MICAL3: variants seen among roughly 807,000 people sequenced by gnomAD.
The protein encoded by MICAL3 is microtubule associated monooxygenase, calponin and LIM domain containing 3, also known as [F-actin]-monooxygenase MICAL3.
MICAL3 carries 62 observed loss-of-function variants against 207.4 expected under a neutral mutation model. The ratio of observed to expected loss-of-function variants is 0.30; its 90% CI spans 0.24 to 0.37. The LOEUF is 0.37. MICAL3 is among the 10% of genes least tolerant of loss of function. The probability of loss-of-function intolerance (pLI) is 1.00; values close to 1 mark genes in which losing one functional copy is unlikely to be tolerated. For synonymous variants in MICAL3, 1,077 were observed against 1,069.3 expected, an observed-to-expected ratio of 1.01 and a Z score of -0.14; for missense variants, 2,368 against 2,635.6, an observed-to-expected ratio of 0.90 and a Z score of 2.22.
At chr22:17,815,996 G>A (rs1920984885) in intron 27 of MICAL3, among the ~76,000 whole-genome samples, 1 of 152,234 alleles carries the variant, frequency 6.6e-6, no homozygotes, top group African/African-American at 2.4e-5. Context: ...CAGCCGGGTT[G>A]CCCCCAGCCA....
chr22:17,871,896 T>C lies in MICAL3; in HGVS notation c.2369A>G (p.Lys790Arg). 6.2e-7 allele frequency: 1 copy of C among 1,611,670 alleles called. No individual in the cohort carries two copies. Among genetic ancestry groups the C allele is most frequent in the Non-Finnish European group, 8.5e-7 (1 of 1,179,072 alleles). Residue 790 changes from lysine to arginine, a missense_variant, in exon 17 of 32, where the codon AAG becomes AGG. Around this residue, in one of 4 missense-constraint regions of MICAL3, gnomAD observed 1,770 missense variants for 1,863.2 expected, o/e 0.95. Transcript: ENST00000441493. Reference protein sequence around the residue: ...EGKFFHRSCFKCEYCATTLRL... With the variant: ...EGKFFHRSCFRCEYCATTLRL... Reference sequence around the variant, plus strand: ...CAGGGTGGTGGCGCAGTACTCGCACTTGAAGCAGCTCCGGTGGAAGAACTT... The same window carrying C: ...CAGGGTGGTGGCGCAGTACTCGCACCTGAAGCAGCTCCGGTGGAAGAACTT...
intron 1 of MICAL3, among the ~76,000 whole-genome samples, chr22:17,908,086 A>G (rs1239331183): frequency 6.6e-6 from 1 of 152,032 alleles, no homozygotes; most frequent in Non-Finnish European, 1.5e-5. Context: ...AAACCTCACC[A>G]CTGGAACTGT....
chr22:17,951,117 A>C lies in MICAL3; in HGVS notation c.-74-44231T>G, dbSNP rs562986332. Among the ~76,000 whole-genome samples the C allele has an allele frequency of 3.9e-5, 6 of 152,276 alleles. No homozygotes were observed. In the South Asian group the frequency reaches 1.2e-3, roughly 32 times the overall value. On this transcript the variant is annotated intron_variant, in intron 1 of 31. Coordinates refer to ENST00000441493, the MANE Select transcript of MICAL3 (RefSeq NM_015241.3). ...GCTGGGCCACTTCCTCCACTGTCTC[A>C]AAGTGGCACTGCCCTTACTCAACAA...
intron 18 of MICAL3, among the ~76,000 whole-genome samples, 200 bp from the exon 19 acceptor site, chr22:17,865,186 C>A (rs773637436): frequency 6.6e-6 from 1 of 152,018 alleles, no homozygotes; most frequent in Non-Finnish European, 1.5e-5. Context: ...TCATAGCTCA[C>A]TGCAGCCCCG....
chr22:17,800,140 T>TGCACCTCCATCTCACAACAGCAAGAGG (rs2061922952), intron 29 of MICAL3, among the ~76,000 whole-genome samples: 1 of 152,094 alleles, frequency 6.6e-6, no homozygotes, highest in African/African-American at 2.4e-5. Context: ...CTGGCGTCCC[T>TGCACCTCCATCTCACAACAGCAAGAGG]GCACCTCCAT....
intron 1 of MICAL3, among the ~76,000 whole-genome samples, chr22:18,022,206 C>A (rs1407767308): frequency 6.6e-6 from 1 of 152,022 alleles, no homozygotes; most frequent in African/African-American, 2.4e-5. Flanking sequence ...TTTTTGCCGC[C>A]CACCCCCAGT....
chr22:17,912,476 T>A (rs1297292949), intron 1 of MICAL3, among the ~76,000 whole-genome samples: 3 of 152,238 alleles, frequency 2.0e-5, no homozygotes, highest in African/African-American at 7.2e-5. Flanking sequence ...CCCATAAGCG[T>A]GAATTTGTTC....
At position 17,791,019 on chromosome 22, in the gene MICAL3, G is replaced by A. The variant is rs755856395; in HGVS notation, c.5803C>T (p.Arg1935Trp). The A allele has an allele frequency of 2.2e-5, 35 of 1,612,356 alleles. No homozygotes were observed. The highest frequency in any genetic ancestry group is 2.8e-5 in the Non-Finnish European group (33 of 1,179,834). The change falls in exon 31 of 32, where the codon CGG becomes TGG. Residue 1935 changes from arginine to tryptophan, a missense_variant. By Grantham distance (101) the Arg-to-Trp change is moderately radical. Transcript: ENST00000441493. ...TCACCTTCCACTGCCATGCGTTCCCGGAGCTCCTGCTGCAGTCGACTCTGC... is the reference window on the plus strand; with the variant it reads ...TCACCTTCCACTGCCATGCGTTCCCAGAGCTCCTGCTGCAGTCGACTCTGC... The part of the protein sequence containing the change: ...DRQSRLQQEL[R>W]ERMAVEDHLK...
intron 19 of MICAL3, chr22:17,862,356 G>A (rs1034655933): frequency 6.1e-6 from 4 of 653,566 alleles, no homozygotes; most frequent in Middle Eastern, 8.1e-4. Flanking sequence ...CTGGGTTCAC[G>A]CCATTCTCCT....
intron 16 of MICAL3, chr22:17,876,813 G>GAGGTTATGA (rs2146187600): frequency 8.1e-6 from 1 of 124,188 alleles, no homozygotes; most frequent in South Asian, 2.5e-4. Context: ...GGAGGTTAGG[G>GAGGTTATGA]AGGTTAGGGA....
At chr22:17,820,499 C>T (rs892323152) in intron 25 of MICAL3, among the ~76,000 whole-genome samples, 15 of 152,256 alleles carry the variant, frequency 9.9e-5, no homozygotes, top group South Asian at 2.1e-4. Context: ...GGACTACAGG[C>T]GCCCGCCACC....
chr22:18,000,177 TAC>T (rs1922775618), intron 1 of MICAL3, among the ~76,000 whole-genome samples: 1 of 150,028 alleles, frequency 6.7e-6, no homozygotes, highest in Non-Finnish European at 1.5e-5. Flanking sequence ...TGGGACCAAA[TAC>T]ACATTGGTGG....
At position 17,984,601 on chromosome 22, in the gene MICAL3, G is replaced by A. The variant is rs1936074245; in HGVS notation, c.-75+39680C>T. On this transcript the variant is annotated intron_variant, in intron 1 of 31. Coordinates refer to ENST00000441493, the MANE Select transcript of MICAL3 (RefSeq NM_015241.3). ...ACACAGATGGGCTGCTTTGCCCCAG[G>A]TCCTGCTCTAAATGCTTAGGGATCT... Among the ~76,000 whole-genome samples, 3 of 149,652 alleles carry A rather than the reference G, an allele frequency of 2.0e-5. No individual in the cohort carries two copies. In the South Asian group the frequency reaches 6.4e-4, roughly 32 times the overall value.
rs116579589 is a variant in MICAL3, at chr22:17,902,800, C to T, written c.473-53G>A. On this transcript the variant is annotated intron_variant, in intron 3 of 31. Transcript: ENST00000441493. This position sits in a 1 kb window ranked among gnomAD's most constrained non-coding sequence, Gnocchi z 4.5. ...GGGAACACATGGAGAAGGGGGTACC[C>T]ATCCGTGTCGCAGCTCAGGCTCCCA... 1,963 of 1,161,072 alleles carry T rather than the reference C, an allele frequency of 1.7e-3. 28 individuals carry two copies. The African/African-American group carries it at 0.026, about 15-fold the overall frequency. The allele number at this position is 1,161,072 out of a possible 1,614,324, so 71.9% of individuals were successfully genotyped here.
chr22:17,866,353 C>T (rs561669501), intron 17 of MICAL3, among the ~76,000 whole-genome samples: 5 of 152,330 alleles, frequency 3.3e-5, no homozygotes, highest in African/African-American at 4.8e-5. Flanking sequence ...GATGTGGTCA[C>T]ATGAAACGCT....
chr22:17,810,877 C>G, intron 27 of MICAL3, 64 bp from the exon 28 acceptor site: 1 of 1,328,610 alleles, frequency 7.5e-7, no homozygotes, highest in African/African-American at 1.4e-5. Flanking sequence ...GGGTGGGCAG[C>G]AGGCCAACAG....
At chr22:17,989,230 GC>G (rs1921388241) in intron 1 of MICAL3, among the ~76,000 whole-genome samples, 2 of 152,072 alleles carry the variant, frequency 1.3e-5, no homozygotes, top group Non-Finnish European at 2.9e-5. Context: ...CTTTCAGGAA[GC>G]CCTTCCTGCC....
chr22:17,993,132 CT>C (rs1921883349), intron 1 of MICAL3, among the ~76,000 whole-genome samples: 1 of 152,144 alleles, frequency 6.6e-6, no homozygotes, highest in African/African-American at 2.4e-5. Context: ...AAAATATTTC[CT>C]TTTTCCTTTT....
At chr22:17,930,224 A>T (rs939450424) in intron 1 of MICAL3, among the ~76,000 whole-genome samples, 1 of 152,226 alleles carries the variant, frequency 6.6e-6, no homozygotes. Context: ...AACTCGTACA[A>T]CCACTATGGA....
Sources: allele counts gnomAD v4.1 joint callset (sites outside exome capture counted in the v4.1 genomes callset), GRCh38; gene constraint gnomAD v4.1.1; regional missense constraint gnomAD v4.1.1; non-coding constraint Gnocchi (gnomAD v3.1); transcripts MANE v1.5; gene names NCBI Gene and HGNC (gene_info 2026-07-23, HGNC 2026-07-21).